The following FGFR2 variants were observed in gnomAD, a reference collection of about 807,000 sequenced individuals.
The protein encoded by FGFR2 is BEK fibroblast growth factor receptor.
A neutral mutation model predicts 95.9 loss-of-function variants in FGFR2; 19 were observed. That is an observed-to-expected ratio of 0.20 (90% CI 0.14 to 0.29). FGFR2 has a LOEUF of 0.29. Ranked by LOEUF, FGFR2 falls within the 10% of genes least tolerant of loss-of-function variation. The pLI, the probability that FGFR2 is intolerant of heterozygous loss-of-function variation, is 1.00. For missense variants in FGFR2, 707 were observed against 1,056.9 expected, an observed-to-expected ratio of 0.67 and a Z score of 4.59; for synonymous variants, 392 against 393.3, an observed-to-expected ratio of 1.00 and a Z score of 0.04.
chr10:121,519,745 TCCAAGTTTAGTAGTTCTTCC>T (rs1394970183), intron 7 of FGFR2, among the ~76,000 whole-genome samples: 14 of 152,358 alleles, frequency 9.2e-5, no homozygotes, highest in Admixed American at 5.2e-4. Flanking sequence ...CTATTCTCTC[TCCAAGTTTAGTAGTTCTTCC>T]CCAAGTTTAG....
intron 2 of FGFR2, among the ~76,000 whole-genome samples, chr10:121,592,227 G>A (rs767709259): frequency 6.6e-5 from 10 of 152,136 alleles, no homozygotes; most frequent in Admixed American, 2.6e-4. Context: ...AATTAAAGAC[G>A]TACAGGCATG....
Position 121,593,893 on chromosome 10 carries a change from G to A in FGFR2, c.-76C>T, listed in dbSNP as rs748677100. On this transcript the variant is annotated 5_prime_UTR_variant, in exon 2 of 18. Coordinates refer to ENST00000358487, the MANE Select transcript of FGFR2 (RefSeq NM_000141.5). Reference sequence around the variant, plus strand: ...ATCCCATCTGCACACTTCCTCTACGGGCATGGACTACGCGCAATGCCTTCA... The same window carrying A: ...ATCCCATCTGCACACTTCCTCTACGAGCATGGACTACGCGCAATGCCTTCA... 2 of 1,374,240 alleles carry A rather than the reference G, an allele frequency of 1.5e-6. No homozygotes were observed. The highest frequency in any genetic ancestry group is 2.1e-6 in the Non-Finnish European group (2 of 962,598). 85.1% of individuals were successfully genotyped at this position (1,374,240 alleles called of 1,614,324 possible). A position where few individuals can be genotyped will look rare whatever the true frequency, so the allele number is the denominator to read the frequency against.
intron 4 of FGFR2, among the ~76,000 whole-genome samples, chr10:121,564,142 T>C (rs979463535): frequency 3.3e-5 from 5 of 152,206 alleles, no homozygotes; most frequent in African/African-American, 9.7e-5. Flanking sequence ...ACCACTGGAT[T>C]AAACCAAGCA....
intron 6 of FGFR2, among the ~76,000 whole-genome samples, chr10:121,536,253 G>C (rs1852802810): frequency 1.3e-5 from 2 of 152,112 alleles, no homozygotes; most frequent in African/African-American, 4.8e-5. Flanking sequence ...CAATTACTAG[G>C]GTTTTGAGCA....
intron 4 of FGFR2, among the ~76,000 whole-genome samples, chr10:121,554,924 A>G (rs1242890061): frequency 6.6e-6 from 1 of 152,106 alleles, no homozygotes; most frequent in Non-Finnish European, 1.5e-5. Context: ...TCCTCTACCT[A>G]AGGAAGCCCC....
chr10:121,543,734 CT>C (rs1321418533), intron 5 of FGFR2, among the ~76,000 whole-genome samples: 2 of 152,180 alleles, frequency 1.3e-5, no homozygotes, highest in Non-Finnish European at 2.9e-5. Context: ...AAGAAGTTTG[CT>C]TTTCAGGAGG....
At chr10:121,482,519 T>A (rs1844891766) in intron 17 of FGFR2, among the ~76,000 whole-genome samples, 1 of 152,220 alleles carries the variant, frequency 6.6e-6, no homozygotes, top group Non-Finnish European at 1.5e-5. Context: ...GACTTTAACT[T>A]TTTTCTTGTT....
chr10:121,587,777 CTT>C (rs1423396940), intron 2 of FGFR2, among the ~76,000 whole-genome samples: 2 of 152,178 alleles, frequency 1.3e-5, no homozygotes, highest in African/African-American at 2.4e-5. Flanking sequence ...AAAGGAAACA[CTT>C]ATATACTGTT....
rs959578994 is a variant in FGFR2 at position 121,577,830 on chromosome 10, G to A, written c.110-12126C>T. 7.2e-5 allele frequency among the ~76,000 whole-genome samples: 11 copies of A among 151,964 alleles called. No individual in the cohort carries two copies. In the South Asian group the frequency reaches 8.3e-4, roughly 11 times the overall value. ...CATAACCTGGATGTCTACAGAGGTC[G>A]TATCCAAAACAAGCAAGTGACCTTC... is the stretch of plus-strand genomic sequence containing the variant. On this transcript the variant is annotated intron_variant, in intron 2 of 17. Transcript: ENST00000358487.
intron 11 of FGFR2, 132 bp downstream of exon 11, chr10:121,500,694 A>C: frequency 7.8e-7 from 1 of 1,284,368 alleles, no homozygotes; most frequent in Non-Finnish European, 1.1e-6. Context: ...TATACCGAAA[A>C]CTTCTCAACC....
At chr10:121,529,442 C>T (rs928668559) in intron 6 of FGFR2, among the ~76,000 whole-genome samples, 4 of 152,200 alleles carry the variant, frequency 2.6e-5, no homozygotes, top group Non-Finnish European at 5.9e-5. Flanking sequence ...AAGTCCTTTA[C>T]CTTTCAGTTT....
At chr10:121,564,379 G>T in intron 4 of FGFR2, 123 bp downstream of exon 4, 1 of 861,798 alleles carries the variant, frequency 1.2e-6, no homozygotes, top group East Asian at 2.4e-5. Flanking sequence ...TAGACACAGC[G>T]GGGAAAGGCA....
chr10:121,512,059 G>A (rs546161788), intron 9 of FGFR2, among the ~76,000 whole-genome samples: 1 of 152,190 alleles, frequency 6.6e-6, no homozygotes, highest in South Asian at 2.1e-4. Flanking sequence ...AAGAGTCAGG[G>A]CCATGGAGAC....
At position 121,496,729 on chromosome 10, in the gene FGFR2, A is replaced by G. The variant is rs750910606; in HGVS notation, c.1673-7T>C. 3.1e-6 allele frequency: 5 copies of G among 1,611,418 alleles called. No homozygotes were observed. The highest frequency in any genetic ancestry group is 4.2e-6 in the Non-Finnish European group (5 of 1,179,706). ...ACTATGACATAGAGAGGCCCTGTTG[A>G]GGAAGAAGAGAAGCTCCCTAAAGAG... is the stretch of plus-strand genomic sequence containing the variant. On this transcript the variant is annotated splice_region_variant and splice_polypyrimidine_tract_variant and intron_variant, in intron 12 of 17. Transcript: ENST00000358487.
At position 121,479,510 on chromosome 10, in the gene FGFR2, G is replaced by A; in HGVS notation, c.*347C>T. 1 of 1,273,276 alleles carries A rather than the reference G, an allele frequency of 7.9e-7. No homozygotes were observed. Among genetic ancestry groups the A allele is most frequent in the South Asian group, 1.4e-5 (1 of 71,192 alleles). The allele number at this position is 1,273,276 out of a possible 1,614,324, so 78.9% of individuals were successfully genotyped here. A position where few individuals can be genotyped will look rare whatever the true frequency, so the allele number is the denominator to read the frequency against. On this transcript the variant is annotated 3_prime_UTR_variant, in exon 18 of 18. Coordinates refer to ENST00000358487, the MANE Select transcript of FGFR2 (RefSeq NM_000141.5). Reference sequence around the variant, plus strand: ...TACTGCATTTGTGCTCTGTAAGTGTGTGCTGACATAAATCTTCTCCAATTA... The same window carrying A: ...TACTGCATTTGTGCTCTGTAAGTGTATGCTGACATAAATCTTCTCCAATTA...
chr10:121,520,666 G>C (rs548888382), intron 6 of FGFR2, among the ~76,000 whole-genome samples: 2 of 151,884 alleles, frequency 1.3e-5, no homozygotes, highest in East Asian at 3.9e-4. Flanking sequence ...TTTCTCAGAC[G>C]GGGTCTCACT....
intron 13 of FGFR2, among the ~76,000 whole-genome samples, chr10:121,491,867 C>T (rs1846178716): frequency 9.0e-6 from 1 of 111,656 alleles, no homozygotes; most frequent in African/African-American, 3.0e-5. Flanking sequence ...TAGACTCTGT[C>T]TCAACCAAAA....
At chr10:121,545,227 C>T (rs1409279116) in intron 5 of FGFR2, among the ~76,000 whole-genome samples, 2 of 152,194 alleles carry the variant, frequency 1.3e-5, no homozygotes, top group East Asian at 3.9e-4. Context: ...CAACTGTATA[C>T]CATGGGCTAG....
At chr10:121,543,754 G>A (rs902579437) in intron 5 of FGFR2, among the ~76,000 whole-genome samples, 1 of 152,210 alleles carries the variant, frequency 6.6e-6, no homozygotes, top group African/African-American at 2.4e-5. Context: ...GGTGTCCAGA[G>A]AACAGGGCCG....
Sources: allele counts gnomAD v4.1 joint callset (sites outside exome capture counted in the v4.1 genomes callset), GRCh38; gene constraint gnomAD v4.1.1; transcripts MANE v1.5; gene names NCBI Gene and HGNC (gene_info 2026-07-23, HGNC 2026-07-21).